Variants in DNAH10 observed in about 807,000 individuals in gnomAD.
DNAH10 encodes the protein dynein axonemal heavy chain 10, also known as axonemal beta dynein heavy chain 10.
DNAH10 carries 348 observed loss-of-function variants against 506.6 expected under a neutral mutation model. The ratio of observed to expected loss-of-function variants is 0.69; its 90% confidence interval spans 0.63 to 0.75. DNAH10 has a LOEUF of 0.75. DNAH10 is among the 30% of genes least tolerant of loss of function. The pLI is 0.00. For missense variants in DNAH10, 5,179 were observed against 5,787.1 expected, an observed-to-expected ratio of 0.89 and a Z score of 3.41; for synonymous variants, 2,059 against 2,198.6, an observed-to-expected ratio of 0.94 and a Z score of 1.78.
chr12:123,888,089 G>C (rs547685960), intron 52 of DNAH10, among the ~76,000 whole-genome samples: 1 of 152,318 alleles, frequency 6.6e-6, no homozygotes, highest in Non-Finnish European at 1.5e-5. Context: ...GCGTGAGCCT[G>C]TAGTTCCAGC....
In DNAH10 at chr12:123,762,332, G is replaced by C. The variant is rs1420077325; in HGVS notation, c.-5G>C. Reference sequence around the variant, plus strand: ...CGCCCGGCTCCCTCTGCACTGCGCGGCGCCATGGACGACCTGCGGGTGCTG... The same window carrying C: ...CGCCCGGCTCCCTCTGCACTGCGCGCCGCCATGGACGACCTGCGGGTGCTG... On this transcript the variant is annotated 5_prime_UTR_variant, in exon 1 of 79. Coordinates refer to ENST00000673944, the MANE Select transcript of DNAH10 (RefSeq NM_001372106.1). This position sits in a 1 kb window ranked among gnomAD's most constrained non-coding sequence, Gnocchi z 5.0. 3 of 1,337,164 alleles carry C rather than the reference G, an allele frequency of 2.2e-6. No individual in the cohort carries two copies. The highest frequency in any genetic ancestry group is 3.7e-5 in the Admixed American group (1 of 26,776). The allele number at this position is 1,337,164 out of a possible 1,614,324, so 82.8% of individuals were successfully genotyped here. A position where few individuals can be genotyped will look rare whatever the true frequency, so the allele number is the denominator to read the frequency against.
intron 74 of DNAH10, 24 bp downstream of exon 74, chr12:123,931,496 C>CA (rs1955205902): frequency 1.2e-6 from 2 of 1,611,256 alleles, no homozygotes; most frequent in Middle Eastern, 3.3e-4. Flanking sequence ...AGGAGGACTT[C>CA]ATTAGTTTGA....
At chr12:123,765,853 C>T (rs934486253) in intron 1 of DNAH10, among the ~76,000 whole-genome samples, 2 of 145,500 alleles carry the variant, frequency 1.4e-5, no homozygotes, top group African/African-American at 5.6e-5. Flanking sequence ...ATCTACCTAC[C>T]TACCTATACA....
intron 21 of DNAH10, among the ~76,000 whole-genome samples, chr12:123,818,251 T>C (rs985885643): frequency 4.6e-5 from 7 of 151,886 alleles, no homozygotes; most frequent in African/African-American, 1.4e-4. Context: ...CCAGCCTCTA[T>C]CTCTTTATTT....
At chr12:123,800,682 CAA>C (rs145211384) in intron 15 of DNAH10, among the ~76,000 whole-genome samples, 13 of 94,362 alleles carry the variant, frequency 1.4e-4, no homozygotes, top group Admixed American at 1.1e-4. Context: ...AGCCTGTATC[CAA>C]AAAAAAAAAA....
intron 44 of DNAH10, among the ~76,000 whole-genome samples, 172 bp downstream of exon 44, chr12:123,870,657 C>T (rs955262118): frequency 1.3e-5 from 2 of 152,114 alleles, no homozygotes; most frequent in East Asian, 1.9e-4. Context: ...GGAGGGTGGC[C>T]GCTTTGGTAT....
chr12:123,863,019 C>T (rs1951670670), intron 39 of DNAH10, among the ~76,000 whole-genome samples: 1 of 151,922 alleles, frequency 6.6e-6, no homozygotes. Context: ...GTTTTATTCT[C>T]ATAACTCTGT....
Position 123,848,899 on chromosome 12 carries a change from C to G in DNAH10, c.6102+17C>G. 1.2e-6 allele frequency: 2 copies of G among 1,612,290 alleles called. No individual in the cohort carries two copies. The highest frequency in any genetic ancestry group is 2.2e-5 in the South Asian group (2 of 90,632). ...ACGTTCCAGGTGAGACACATGAAGC[C>G]CCCGGGACCATGTCCCTAGGATGGA... On this transcript the variant is annotated intron_variant, in intron 34 of 78. Coordinates refer to ENST00000673944, the MANE Select transcript of DNAH10 (RefSeq NM_001372106.1).
intron 2 of DNAH10, among the ~76,000 whole-genome samples, chr12:123,769,431 C>A (rs1203319552): frequency 2.6e-5 from 4 of 152,174 alleles, no homozygotes; most frequent in Non-Finnish European, 5.9e-5. Context: ...CCCACCTCGG[C>A]CTCCCAAAGT....
At chr12:123,812,939 T>G (rs1958997823) in intron 19 of DNAH10, among the ~76,000 whole-genome samples, 1 of 152,154 alleles carries the variant, frequency 6.6e-6, no homozygotes, top group African/African-American at 2.4e-5. Context: ...TCCGCCCCTT[T>G]CCATTGGTCA....
chr12:123,849,962 T>C (rs1951094800), intron 34 of DNAH10, among the ~76,000 whole-genome samples: 1 of 152,122 alleles, frequency 6.6e-6, no homozygotes, highest in Admixed American at 6.5e-5. Flanking sequence ...ACCTGCAATG[T>C]ATATAGATTT....
intron 11 of DNAH10, among the ~76,000 whole-genome samples, chr12:123,791,603 G>T (rs957722363): frequency 1.3e-5 from 2 of 152,004 alleles, no homozygotes; most frequent in African/African-American, 4.8e-5. Context: ...TAGGGACAGG[G>T]TCTTGCTCTG....
Position 123,928,238 on chromosome 12 carries a change from G to A in DNAH10, c.12106-149G>A, listed in dbSNP as rs1005933653. The A allele has an allele frequency of 1.2e-6, 1 of 854,842 alleles. No individual in the cohort carries two copies. The highest frequency in any genetic ancestry group is 1.8e-6 in the Non-Finnish European group (1 of 564,446). 53.0% of individuals were successfully genotyped at this position (854,842 alleles called of 1,614,324 possible). Reference sequence around the variant, plus strand: ...TTTCTCAAAGATGGTTTATTTGAAGGCTCCACCTGTAGCTCCTGGATCCTC... The same window carrying A: ...TTTCTCAAAGATGGTTTATTTGAAGACTCCACCTGTAGCTCCTGGATCCTC... On this transcript the variant is annotated intron_variant, in intron 69 of 78. Coordinates refer to ENST00000673944, the MANE Select transcript of DNAH10 (RefSeq NM_001372106.1). The surrounding 1 kb of genome is among the most constrained non-coding windows in gnomAD (Gnocchi z 4.9).
At position 123,867,467 on chromosome 12, in the gene DNAH10, G is replaced by A. The variant is rs752520153; in HGVS notation, c.7168G>A (p.Val2390Met). 8.1e-6 allele frequency: 13 copies of A among 1,611,050 alleles called. No homozygotes were observed. The highest frequency in any genetic ancestry group is 1.0e-5 in the Non-Finnish European group (12 of 1,178,866). ...KKWVNQIPNK[V>M]EQYNLNSLFE... Reference sequence around the variant, plus strand: ...GCTTTGGAATGCTACTTTTTTATAGGTGGAGCAATACAATTTGAATAGTCT... The same window carrying A: ...GCTTTGGAATGCTACTTTTTTATAGATGGAGCAATACAATTTGAATAGTCT... Residue 2390 changes from valine to methionine, a missense_variant and splice_region_variant, in exon 42 of 79, where the codon GTG becomes ATG. By Grantham distance (21) the Val-to-Met change is conservative (BLOSUM62 1). This residue lies in a region of DNAH10 where 4,844 missense variants were observed against 5,430.5 expected (regional missense o/e 0.89). Coordinates refer to ENST00000673944, the MANE Select transcript of DNAH10 (RefSeq NM_001372106.1).
At chr12:123,800,878 A>G (rs1190591474) in intron 15 of DNAH10, among the ~76,000 whole-genome samples, 1 of 151,212 alleles carries the variant, frequency 6.6e-6, no homozygotes, top group Non-Finnish European at 1.5e-5. Context: ...TTAGCTGGGC[A>G]TGGTGGCTCA....
chr12:123,919,114 C>A lies in DNAH10; in HGVS notation c.11506+165C>A. The A allele has an allele frequency of 1.1e-6, 1 of 906,002 alleles. No homozygotes were observed. The highest frequency in any genetic ancestry group is 1.6e-6 in the Non-Finnish European group (1 of 634,580). 56.1% of individuals were successfully genotyped at this position (906,002 alleles called of 1,614,324 possible). ...TTTTTGAGATAGGGTCTTGCTCCAT[C>A]ACCCAGGCTGGAATGCAGTGGTGCG... On this transcript the variant is annotated intron_variant, in intron 65 of 78. Coordinates refer to ENST00000673944, the MANE Select transcript of DNAH10 (RefSeq NM_001372106.1). The surrounding 1 kb of genome is among the most constrained non-coding windows in gnomAD (Gnocchi z 4.9).
chr12:123,890,097 G>A (rs569529344), intron 52 of DNAH10, among the ~76,000 whole-genome samples: 12 of 152,318 alleles, frequency 7.9e-5, no homozygotes, highest in East Asian at 3.9e-4. Flanking sequence ...CCCATTGGCC[G>A]GTTCCTGGGC....
rs138609766 is a variant in DNAH10, at chr12:123,909,482, C to T, written c.9997+40C>T. 57 of 1,505,118 alleles carry T rather than the reference C, an allele frequency of 3.8e-5. No individual in the cohort carries two copies. Among genetic ancestry groups the T allele is most frequent in the African/African-American group, 3.2e-4 (23 of 72,472 alleles). The allele number at this position is 1,505,118 out of a possible 1,614,324, so 93.2% of individuals were successfully genotyped here. ...GTGTGGGAATCGCCAGGGTGGATCT[C>T]GGTCTGGCATCTCAGGCTCTGGGAC... is the stretch of plus-strand genomic sequence containing the variant. On this transcript the variant is annotated intron_variant, in intron 58 of 78. Coordinates refer to ENST00000673944, the MANE Select transcript of DNAH10 (RefSeq NM_001372106.1). The surrounding 1 kb of genome is among the most constrained non-coding windows in gnomAD (Gnocchi z 5.4).
rs999133890 is a variant in DNAH10 at position 123,923,988 on chromosome 12, A to G, written c.11611+121A>G. The G allele has an allele frequency of 5.6e-5, 45 of 799,292 alleles. No homozygotes were observed. In the African/African-American group the frequency reaches 7.0e-4, roughly 12 times the overall value. 49.5% of individuals were successfully genotyped at this position (799,292 alleles called of 1,614,324 possible). ...TCCTTAAAACTTGGCTTCCAACAGC[A>G]CTGCATTTTTCACTATTCCAGTTGA... On this transcript the variant is annotated intron_variant, in intron 66 of 78. Transcript: ENST00000673944.
Sources: gnomAD v4.1 joint callset for allele counts (sites outside exome capture counted in the v4.1 genomes callset) on GRCh38, gnomAD v4.1.1 for gene constraint, gnomAD v4.1.1 regional missense constraint, Gnocchi (gnomAD v3.1) non-coding constraint, MANE v1.5 for transcripts, NCBI Gene and HGNC (gene_info 2026-07-23, HGNC 2026-07-21) for gene names.